NRXN1: variants seen among roughly 807,000 people sequenced by gnomAD.
NRXN1 encodes the protein neurexin-1.
Under a neutral mutation model 150.9 loss-of-function variants are expected in NRXN1, and 39 were observed. The ratio of observed to expected loss-of-function variants is 0.26; its 90% CI spans 0.20 to 0.34. NRXN1 has a LOEUF of 0.34. Ranked by LOEUF, NRXN1 falls within the 10% of genes least tolerant of loss-of-function variation. The pLI is 1.00. For missense variants in NRXN1, 1,815 were observed against 1,949.9 expected (o/e 0.93, Z 1.30); for synonymous variants, 924 against 757.0 (o/e 1.22, Z -3.62).
At chr2:50,893,849 G>A (rs1233298403) in intron 5 of NRXN1, among the ~76,000 whole-genome samples, 6 of 152,104 alleles carry the variant, frequency 3.9e-5, no homozygotes, top group East Asian at 3.9e-4. Context: ...GAGAATATGC[G>A]GTGTTTGGTT....
chr2:50,958,898 C>T (rs533766871), intron 2 of NRXN1, among the ~76,000 whole-genome samples: 2 of 152,180 alleles, frequency 1.3e-5, no homozygotes, highest in South Asian at 2.1e-4. Flanking sequence ...GCCATTACAA[C>T]GATTTGTTTC....
intron 5 of NRXN1, 87 bp from the exon 6 acceptor site, chr2:50,623,702 C>T (rs555460002): frequency 1.0e-5 from 9 of 897,758 alleles, no homozygotes; most frequent in Admixed American, 2.4e-5. Context: ...GCTAATCACT[C>T]CCCAAATTAA....
rs750866260 is a variant in NRXN1 at position 49,918,853 on chromosome 2, T to C, written c.*3091A>G. On this transcript the variant is annotated 3_prime_UTR_variant, in exon 23 of 23. Coordinates refer to ENST00000401669, the MANE Select transcript of NRXN1 (RefSeq NM_001330078.2). ...TGCCGCATATAATTTTTAAAATCAATAAATCACAGTTGTATTAAGAAATAT... is the reference window on the plus strand; with the variant it reads ...TGCCGCATATAATTTTTAAAATCAACAAATCACAGTTGTATTAAGAAATAT... 7.2e-5 allele frequency: 11 copies of C among 152,096 alleles called. No individual in the cohort carries two copies. The highest frequency in any genetic ancestry group is 2.1e-4 in the South Asian group (1 of 4,834). 9.4% of individuals were successfully genotyped at this position (152,096 alleles called of 1,614,324 possible). A position where few individuals can be genotyped will look rare whatever the true frequency, so the allele number is the denominator to read the frequency against.
intron 17 of NRXN1, among the ~76,000 whole-genome samples, chr2:50,427,237 T>C (rs146446988): frequency 1.8e-4 from 27 of 152,278 alleles, no homozygotes; most frequent in African/African-American, 6.3e-4. Flanking sequence ...GCCATCAGCT[T>C]GTAAATACAT....
chr2:50,501,386 T>TGTGTGTGTGTGA (rs2091932990), intron 13 of NRXN1, among the ~76,000 whole-genome samples: 1 of 96,118 alleles, frequency 1.0e-5, no homozygotes, highest in Non-Finnish European at 2.1e-5. Flanking sequence ...GACTCGTGTA[T>TGTGTGTGTGTGA]GTGTGTGTGT....
rs184259279 is a variant in NRXN1, at chr2:50,660,098, C to A, written c.833-36483G>T. ...CCTCCTATCCACTGCACTTTACCCA[C>A]TGGGGACTTGGAAGGTCAGGAGAGG... On this transcript the variant is annotated intron_variant, in intron 5 of 22. Coordinates refer to ENST00000401669, the MANE Select transcript of NRXN1 (RefSeq NM_001330078.2). Among the ~76,000 whole-genome samples the A allele has an allele frequency of 1.6e-3, 241 of 152,140 alleles. 3 individuals carry two copies. In the Middle Eastern group the frequency reaches 0.031, roughly 19 times the overall value.
intron 18 of NRXN1, among the ~76,000 whole-genome samples, chr2:50,148,747 T>G (rs1558977207): frequency 2.6e-5 from 4 of 151,716 alleles, no homozygotes; most frequent in Admixed American, 2.6e-4. Context: ...TTTAATCAGA[T>G]TCTCAGTAGC....
At chr2:50,390,262 C>T (rs1407569647) in intron 17 of NRXN1, among the ~76,000 whole-genome samples, 1 of 152,120 alleles carries the variant, frequency 6.6e-6, no homozygotes, top group East Asian at 1.9e-4. Flanking sequence ...GAGAAATTCT[C>T]ATAAGGATGA....
intron 5 of NRXN1, among the ~76,000 whole-genome samples, chr2:50,912,639 G>A (rs1325871766): frequency 6.6e-6 from 1 of 151,504 alleles, no homozygotes; most frequent in Non-Finnish European, 1.5e-5. Context: ...ATGATCTCAA[G>A]GTTTGCACTG....
chr2:50,548,164 T>C (rs2093535655), intron 9 of NRXN1: 1 of 152,180 alleles, frequency 6.6e-6, no homozygotes, highest in South Asian at 2.1e-4. Flanking sequence ...CATATCCCAG[T>C]CCTCAGAAAG....
chr2:50,733,675 T>C (rs886150017), intron 5 of NRXN1, among the ~76,000 whole-genome samples: 1 of 152,172 alleles, frequency 6.6e-6, no homozygotes, highest in Non-Finnish European at 1.5e-5. Flanking sequence ...ATTGGCATGA[T>C]CTTCCAAATT....
At chr2:50,470,219 G>A (rs2089326230) in intron 16 of NRXN1, among the ~76,000 whole-genome samples, 1 of 151,596 alleles carries the variant, frequency 6.6e-6, no homozygotes, top group Non-Finnish European at 1.5e-5. Flanking sequence ...TCTCACTAAT[G>A]AGATCACCTC....
intron 21 of NRXN1, among the ~76,000 whole-genome samples, chr2:49,949,779 T>C (rs1673596755): frequency 6.6e-6 from 1 of 151,892 alleles, no homozygotes; most frequent in South Asian, 2.1e-4. Flanking sequence ...TTGTGACTGA[T>C]ATTTAGACTG....
chr2:50,556,016 C>G (rs1451179370), intron 8 of NRXN1, among the ~76,000 whole-genome samples: 1 of 152,142 alleles, frequency 6.6e-6, no homozygotes. Context: ...TACAAGAACT[C>G]TTTCCTACAA....
chr2:50,167,117 A>C (rs17040073), intron 18 of NRXN1, among the ~76,000 whole-genome samples: 1 of 152,162 alleles, frequency 6.6e-6, no homozygotes, highest in African/African-American at 2.4e-5. Context: ...AGTGGGGTTC[A>C]TGTTAAGTCT....
chr2:50,756,784 TAA>T (rs1191735140), intron 5 of NRXN1, among the ~76,000 whole-genome samples: 1 of 151,816 alleles, frequency 6.6e-6, no homozygotes, highest in Non-Finnish European at 1.5e-5. Flanking sequence ...CATAAAAGAT[TAA>T]GTTATAAAAT....
chr2:50,882,257 T>C (rs761901625), intron 5 of NRXN1, among the ~76,000 whole-genome samples: 10 of 151,860 alleles, frequency 6.6e-5, no homozygotes, highest in Non-Finnish European at 1.5e-4. Flanking sequence ...ATCACTAACA[T>C]CACACATGGA....
chr2:50,546,580 T>C (rs1381953898), intron 9 of NRXN1, among the ~76,000 whole-genome samples: 10 of 152,106 alleles, frequency 6.6e-5, no homozygotes, highest in Admixed American at 5.2e-4. Context: ...ATATATATAA[T>C]GTTAACAAAA....
chr2:50,407,679 G>C lies in NRXN1; in HGVS notation c.3364+57763C>G, dbSNP rs138510507. Among the ~76,000 whole-genome samples the C allele has an allele frequency of 3.9e-3, 599 of 152,120 alleles. 3 individuals carry two copies. The highest frequency in any genetic ancestry group is 7.1e-3 in the Non-Finnish European group (483 of 68,002). Reference sequence around the variant, plus strand: ...AAAAGAGGAAGAGAGACCTGAGCTAGCACACCCAGCCCTCTCATCATGTGA... The same window carrying C: ...AAAAGAGGAAGAGAGACCTGAGCTACCACACCCAGCCCTCTCATCATGTGA... On this transcript the variant is annotated intron_variant, in intron 17 of 22. Coordinates refer to ENST00000401669, the MANE Select transcript of NRXN1 (RefSeq NM_001330078.2).
Sources: gnomAD v4.1 joint callset for allele counts (sites outside exome capture counted in the v4.1 genomes callset) on GRCh38, gnomAD v4.1.1 for gene constraint, MANE v1.5 for transcripts, NCBI Gene and HGNC (gene_info 2026-07-23, HGNC 2026-07-21) for gene names.